ADGRL4: variants seen among roughly 807,000 people sequenced by gnomAD.
The protein encoded by ADGRL4 is adhesion G protein-coupled receptor L4, also known as EGF, latrophilin and seven transmembrane domain containing 1.
Under a neutral mutation model 74.8 loss-of-function variants are expected in ADGRL4, and 90 were observed. The ratio of observed to expected loss-of-function variants is 1.20; its 90% CI spans 1.02 to 1.43. The LOEUF (loss-of-function observed/expected upper bound fraction) is 1.43, where lower values mean the gene tolerates loss of function less well. Among genes scored for constraint, ADGRL4 ranks in the 40% most tolerant of loss-of-function variants. The pLI is 0.00. For missense variants in ADGRL4, 881 were observed against 814.3 expected (o/e 1.08, Z -1.00); for synonymous variants, 311 against 279.2 (o/e 1.11, Z -1.14).
At chr1:78,935,668 C>T (rs1395278252) in intron 7 of ADGRL4, among the ~76,000 whole-genome samples, 1 of 152,022 alleles carries the variant, frequency 6.6e-6, no homozygotes, top group Non-Finnish European at 1.5e-5. Context: ...AGTGACTTTG[C>T]TGTATAAGGA....
intron 12 of ADGRL4, among the ~76,000 whole-genome samples, chr1:78,895,811 G>C (rs975166344): frequency 1.3e-5 from 2 of 151,968 alleles, no homozygotes; most frequent in Non-Finnish European, 2.9e-5. Flanking sequence ...TTTATTTGCT[G>C]TTTTGTTCAA....
chr1:78,990,252 T>C (rs139218490), intron 2 of ADGRL4, among the ~76,000 whole-genome samples: 11 of 151,968 alleles, frequency 7.2e-5, no homozygotes, highest in African/African-American at 2.4e-4. Flanking sequence ...AATTGTACTC[T>C]CTAAGTGTGT....
At chr1:78,982,511 T>C (rs946009129) in intron 2 of ADGRL4, among the ~76,000 whole-genome samples, 2 of 151,960 alleles carry the variant, frequency 1.3e-5, no homozygotes, top group Non-Finnish European at 2.9e-5. Flanking sequence ...GGTTATTTCC[T>C]CTTTCTGCTC....
chr1:79,006,595 T>C, intron 1 of ADGRL4, 38 bp downstream of exon 1: 1 of 1,533,036 alleles, frequency 6.5e-7, no homozygotes, highest in Non-Finnish European at 8.8e-7. Context: ...GATTGGTCCC[T>C]CCGACGACCT....
chr1:78,938,516 T>C (rs1444766108), intron 4 of ADGRL4, among the ~76,000 whole-genome samples: 1 of 108,056 alleles, frequency 9.3e-6, no homozygotes, highest in African/African-American at 3.2e-5. Flanking sequence ...TAGAGCATGT[T>C]TGAATTAATA....
intron 2 of ADGRL4, among the ~76,000 whole-genome samples, chr1:78,977,250 A>G (rs954606546): frequency 2.6e-5 from 4 of 151,850 alleles, no homozygotes; most frequent in Non-Finnish European, 5.9e-5. Flanking sequence ...CTCTCAGCAA[A>G]CTGGGAATAG....
chr1:78,991,425 A>G (rs1421454304), intron 2 of ADGRL4, among the ~76,000 whole-genome samples: 1 of 152,014 alleles, frequency 6.6e-6, no homozygotes, highest in Non-Finnish European at 1.5e-5. Context: ...TCTCCTGTGT[A>G]AATACAATTA....
intron 2 of ADGRL4, among the ~76,000 whole-genome samples, chr1:78,985,514 T>C (rs188134927): frequency 1.3e-5 from 2 of 151,884 alleles, no homozygotes; most frequent in African/African-American, 4.8e-5. Context: ...GACCTTTAAC[T>C]GTTGTTACAC....
intron 12 of ADGRL4, among the ~76,000 whole-genome samples, chr1:78,897,958 A>C (rs1648432231): frequency 6.6e-6 from 1 of 152,116 alleles, no homozygotes; most frequent in African/African-American, 2.4e-5. Flanking sequence ...GCTTTAAATA[A>C]AGAATCAGTA....
At chr1:78,913,159 A>G (rs1385832986) in intron 12 of ADGRL4, among the ~76,000 whole-genome samples, 1 of 151,980 alleles carries the variant, frequency 6.6e-6, no homozygotes, top group African/African-American at 2.4e-5. Flanking sequence ...GAAGTTGGGG[A>G]GAAAAAGGAA....
intron 2 of ADGRL4, among the ~76,000 whole-genome samples, chr1:78,994,406 G>A (rs1333066800): frequency 2.0e-5 from 3 of 152,056 alleles, no homozygotes; most frequent in Non-Finnish European, 4.4e-5. Context: ...CATAGGTAAA[G>A]AACAATAAAA....
At chr1:78,950,098 A>T (rs1189104037) in intron 2 of ADGRL4, among the ~76,000 whole-genome samples, 3 of 152,176 alleles carry the variant, frequency 2.0e-5, no homozygotes, top group African/African-American at 7.2e-5. Flanking sequence ...CAACTGGAAG[A>T]AAATGGCTTC....
chr1:78,932,255 G>T (rs965442006), intron 7 of ADGRL4, among the ~76,000 whole-genome samples: 6 of 151,402 alleles, frequency 4.0e-5, no homozygotes, highest in Non-Finnish European at 8.8e-5. Context: ...AAATTAGAAT[G>T]CAGGAATAAG....
At chr1:78,895,480 A>G (rs1648376833) in intron 12 of ADGRL4, among the ~76,000 whole-genome samples, 1 of 151,950 alleles carries the variant, frequency 6.6e-6, no homozygotes, top group Non-Finnish European at 1.5e-5. Flanking sequence ...CACAAATTAG[A>G]ATTGTTAGGA....
intron 2 of ADGRL4, among the ~76,000 whole-genome samples, chr1:78,976,597 A>G (rs1287880378): frequency 6.6e-6 from 1 of 151,760 alleles, no homozygotes; most frequent in Non-Finnish European, 1.5e-5. Flanking sequence ...TTATATATAC[A>G]TAAGACCTTT....
intron 2 of ADGRL4, among the ~76,000 whole-genome samples, chr1:79,003,092 C>T (rs1374440066): frequency 1.3e-5 from 2 of 152,016 alleles, no homozygotes; most frequent in African/African-American, 4.8e-5. Flanking sequence ...CCTGTCCAGT[C>T]ATTTCATCTT....
chr1:78,988,622 A>G (rs1298011767), intron 2 of ADGRL4, among the ~76,000 whole-genome samples: 1 of 151,876 alleles, frequency 6.6e-6, no homozygotes, highest in Non-Finnish European at 1.5e-5. Flanking sequence ...CAGAACCCTG[A>G]CAGAGTAATT....
chr1:78,922,072 A>G (rs1649013358), intron 8 of ADGRL4, among the ~76,000 whole-genome samples: 1 of 152,028 alleles, frequency 6.6e-6, no homozygotes, highest in African/African-American at 2.4e-5. Context: ...ATTCAATACA[A>G]GTTTGTTGAG....
chr1:78,901,118 A>G (rs1472342061), intron 12 of ADGRL4, among the ~76,000 whole-genome samples: 1 of 152,184 alleles, frequency 6.6e-6, no homozygotes, highest in East Asian at 1.9e-4. Context: ...CTTGGTTCCA[A>G]ATATTAATAT....
Sources: gnomAD v4.1 joint callset for allele counts (sites outside exome capture counted in the v4.1 genomes callset) on GRCh38, gnomAD v4.1.1 for gene constraint, MANE v1.5 for transcripts, NCBI Gene and HGNC (gene_info 2026-07-23, HGNC 2026-07-21) for gene names.